FLNB: variants seen among roughly 807,000 people sequenced by gnomAD.
FLNB encodes the protein filamin B.
Under a neutral mutation model 250.6 loss-of-function variants are expected in FLNB, and 111 were observed. That is an observed-to-expected ratio of 0.44 (90% CI 0.38 to 0.52). The LOEUF is 0.52. Among genes scored for constraint, FLNB ranks in the 20% least tolerant of loss-of-function variants. FLNB has a pLI of 0.00. For missense variants in FLNB, 2,869 were observed against 3,447.8 expected (o/e 0.83, Z 4.20); for synonymous variants, 1,302 against 1,372.1 (o/e 0.95, Z 1.13).
At chr3:58,072,726 A>G (rs772561943) in intron 1 of FLNB, among the ~76,000 whole-genome samples, 2 of 152,196 alleles carry the variant, frequency 1.3e-5, no homozygotes, top group Non-Finnish European at 2.9e-5. Context: ...GGAAGGTATC[A>G]TTTATCCCAA....
intron 27 of FLNB, among the ~76,000 whole-genome samples, chr3:58,134,990 G>GT (rs1269122541): frequency 7.2e-5 from 11 of 152,094 alleles, no homozygotes; most frequent in Non-Finnish European, 1.3e-4. Context: ...GAATTTTCAT[G>GT]TTTTTTTACT....
chr3:58,152,333 A>G (rs901292846), intron 38 of FLNB, among the ~76,000 whole-genome samples: 22 of 152,270 alleles, frequency 1.4e-4, no homozygotes, highest in African/African-American at 5.3e-4. Context: ...AATCACATGA[A>G]CTAGGTGGCA....
intron 18 of FLNB, among the ~76,000 whole-genome samples, chr3:58,115,173 T>C (rs754057749): frequency 3.3e-5 from 5 of 152,174 alleles, no homozygotes; most frequent in South Asian, 2.1e-4. Context: ...GGCCACTCAA[T>C]AGTAAGTAGG....
At chr3:58,124,156 A>G (rs995128445) in intron 21 of FLNB, among the ~76,000 whole-genome samples, 176 bp from the exon 22 acceptor site, 14 of 152,166 alleles carry the variant, frequency 9.2e-5, no homozygotes, top group African/African-American at 2.9e-4. Context: ...TACTCTAGAA[A>G]GGCCTTCTTT....
intron 8 of FLNB, among the ~76,000 whole-genome samples, chr3:58,101,000 G>T (rs1478847864): frequency 1.3e-5 from 2 of 152,094 alleles, no homozygotes; most frequent in Non-Finnish European, 2.9e-5. Context: ...CTCCCAAAGT[G>T]CTGGGTTTAC....
rs2097342969 is a variant in FLNB at position 58,150,404 on chromosome 3, C to T, written c.6367+177C>T. Reference sequence around the variant, plus strand: ...TTCTATGTTTATTTTCACAGAGTCTCATCCAAGAAAAACAAATGTTTACCT... The same window carrying T: ...TTCTATGTTTATTTTCACAGAGTCTTATCCAAGAAAAACAAATGTTTACCT... On this transcript the variant is annotated intron_variant, in intron 38 of 45. Coordinates refer to ENST00000295956, the MANE Select transcript of FLNB (RefSeq NM_001457.4). 4 of 718,372 alleles carry T rather than the reference C, an allele frequency of 5.6e-6. No homozygotes were observed. The East Asian group carries it at 1.1e-4, about 19-fold the overall frequency. The allele number at this position is 718,372 out of a possible 1,614,324, so 44.5% of individuals were successfully genotyped here.
rs1421670342 is a variant in FLNB, at chr3:58,124,244, G to T, written c.3725-88G>T. 4 of 1,346,824 alleles carry T rather than the reference G, an allele frequency of 3.0e-6. No individual in the cohort carries two copies. The African/African-American group carries it at 5.7e-5, about 19-fold the overall frequency. 83.4% of individuals were successfully genotyped at this position (1,346,824 alleles called of 1,614,324 possible). ...CAGTTACTGAAATTGGACTTCATGT[G>T]TCCTGAAGTGCCAAGAACCTTGGTT... On this transcript the variant is annotated intron_variant, in intron 21 of 45. Transcript: ENST00000295956.
At chr3:58,103,212 A>G (rs11719557) in intron 9 of FLNB, among the ~76,000 whole-genome samples, 37,735 of 151,746 alleles carry the variant, frequency 0.25, 5,197 homozygotes, top group Middle Eastern at 0.37. Context: ...CCTGGAGTCA[A>G]GCTGCTTGGG....
Position 58,123,085 on chromosome 3 carries a change from T to C in FLNB, c.3127-8T>C. ...AGTGCAGTTTGACTTTATTCTTTGC[T>C]CAAATAGGTGAAGGCCCACGGTCCC... is the stretch of plus-strand genomic sequence containing the variant. On this transcript the variant is annotated splice_region_variant and splice_polypyrimidine_tract_variant and intron_variant, in intron 20 of 45. Transcript: ENST00000295956. 1 of 1,613,512 alleles carries C rather than the reference T, an allele frequency of 6.2e-7. No homozygotes were observed. Among genetic ancestry groups the C allele is most frequent in the Non-Finnish European group, 8.5e-7 (1 of 1,179,460 alleles).
At chr3:58,081,035 T>A (rs1232533434) in intron 3 of FLNB, among the ~76,000 whole-genome samples, 1 of 152,138 alleles carries the variant, frequency 6.6e-6, no homozygotes, top group African/African-American at 2.4e-5. Context: ...CTCAAGTGAT[T>A]TCTCTTGTCT....
At chr3:58,052,995 C>T (rs569480413) in intron 1 of FLNB, among the ~76,000 whole-genome samples, 102 of 152,230 alleles carry the variant, frequency 6.7e-4, no homozygotes, top group African/African-American at 2.3e-3. Flanking sequence ...CAGTACTGTA[C>T]TTAGTGTGTA....
chr3:58,105,514 A>T (rs1401548769), intron 11 of FLNB, among the ~76,000 whole-genome samples: 1 of 152,210 alleles, frequency 6.6e-6, no homozygotes, highest in African/African-American at 2.4e-5. Flanking sequence ...TATAGTTTAG[A>T]TGAATGAATG....
At chr3:58,043,034 T>A (rs2097148309) in intron 1 of FLNB, among the ~76,000 whole-genome samples, 1 of 152,114 alleles carries the variant, frequency 6.6e-6, no homozygotes, top group Non-Finnish European at 1.5e-5. Context: ...GAGGAGGAAT[T>A]GGGAAATTTC....
intron 40 of FLNB, among the ~76,000 whole-genome samples, chr3:58,155,390 C>T (rs1406148600): frequency 6.6e-6 from 1 of 152,174 alleles, no homozygotes; most frequent in Non-Finnish European, 1.5e-5. Context: ...TAAAAGAAAT[C>T]ATTGATATTA....
Position 58,102,224 on chromosome 3 carries a change from G to A in FLNB, c.1367G>A (p.Arg456Gln), listed in dbSNP as rs377737248. 89 of 1,614,216 alleles carry A rather than the reference G, an allele frequency of 5.5e-5. No individual in the cohort carries two copies. The highest frequency in any genetic ancestry group is 5.5e-4 in the South Asian group (50 of 91,080). The part of the protein sequence containing the change: ...VGEACNPNAC[R>Q]ASGRGLQPKG... ...GCAGCCTGCAATCCAAATGCCTGCC[G>A]GGCCAGTGGCCGAGGCCTACAACCC... The change falls in exon 9 of 46, where the codon CGG becomes CAG. Residue 456 changes from arginine to glutamine, a missense_variant. Physicochemically the swap from Arg to Gln is conservative, Grantham distance 43. Transcript: ENST00000295956.
At chr3:58,054,370 C>T (rs1320458328) in intron 1 of FLNB, among the ~76,000 whole-genome samples, 2 of 152,154 alleles carry the variant, frequency 1.3e-5, no homozygotes, top group African/African-American at 4.8e-5. Context: ...AAAACATTTC[C>T]ATCGTTGCAG....
chr3:58,053,847 A>G (rs1387486119), intron 1 of FLNB, among the ~76,000 whole-genome samples: 3 of 152,196 alleles, frequency 2.0e-5, no homozygotes, highest in Non-Finnish European at 4.4e-5. Context: ...TGCTAGGGAC[A>G]TGGCCTCGTC....
At chr3:58,023,660 T>C (rs893068629) in intron 1 of FLNB, among the ~76,000 whole-genome samples, 1 of 152,194 alleles carries the variant, frequency 6.6e-6, no homozygotes, top group Non-Finnish European at 1.5e-5. Context: ...TATAACAAGA[T>C]TCGTCTTCAA....
chr3:58,067,597 T>G (rs1386159674), intron 1 of FLNB, among the ~76,000 whole-genome samples: 6 of 111,398 alleles, frequency 5.4e-5, no homozygotes, highest in Non-Finnish European at 9.1e-5. Context: ...TTTTTTGTTT[T>G]TTTTTTGTTT....
Sources: gnomAD v4.1 joint callset for allele counts (sites outside exome capture counted in the v4.1 genomes callset) on GRCh38, gnomAD v4.1.1 for gene constraint, MANE v1.5 for transcripts, NCBI Gene and HGNC (gene_info 2026-07-23, HGNC 2026-07-21) for gene names.